Variants in DOCK11 observed in about 807,000 individuals in gnomAD.
DOCK11 encodes the protein dedicator of cytokinesis 11, also known as dedicator of cytokinesis protein 11.
Under a neutral mutation model 169.1 loss-of-function variants are expected in DOCK11, and 70 were observed. That is an observed-to-expected ratio of 0.41 (90% confidence interval 0.34 to 0.51). DOCK11 has a LOEUF of 0.51. DOCK11 is among the 20% of genes least tolerant of loss of function. The pLI is 0.10. For missense variants in DOCK11, 1,166 were observed against 1,538.8 expected, an observed-to-expected ratio of 0.76 and a Z score of 4.05; for synonymous variants, 529 against 541.3, an observed-to-expected ratio of 0.98 and a Z score of 0.32.
At chrX:118,671,841 C>T (rs191209865) in intron 46 of DOCK11, among the ~76,000 whole-genome samples, 137 of 111,869 alleles carry the variant, frequency 1.2e-3, no homozygotes, top group African/African-American at 3.8e-3. Flanking sequence ...CACCACGCCC[C>T]GCTATCTTTG....
rs1436232812 is a variant in DOCK11 at position 118,566,519 on chromosome X, G to A, written c.872-55G>A. 7 of 1,076,605 alleles carry A rather than the reference G, an allele frequency of 6.5e-6. No individual in the cohort carries two copies. In the East Asian group the frequency reaches 2.2e-4, roughly 33 times the overall value. The allele number at this position is 1,076,605 out of a possible 1,213,427, so 88.7% of individuals were successfully genotyped here. Reference sequence around the variant, plus strand: ...AGAGATAGTTAGGATACTCCTCTTAGGTTATTAGTAATGGTCTGTATGGTT... The same window carrying A: ...AGAGATAGTTAGGATACTCCTCTTAAGTTATTAGTAATGGTCTGTATGGTT... On this transcript the variant is annotated intron_variant, in intron 8 of 52. Coordinates refer to ENST00000276202, the MANE Select transcript of DOCK11 (RefSeq NM_144658.4).
chrX:118,683,247 C>T (rs2016784518), intron 52 of DOCK11, 30 bp downstream of exon 52: 1 of 1,182,796 alleles, frequency 8.5e-7, no homozygotes, highest in South Asian at 2.0e-5. Context: ...AAACTGAAAA[C>T]ATGATCTGCG....
chrX:118,676,754 A>T lies in DOCK11; in HGVS notation c.5460+17A>T. The T allele has an allele frequency of 8.5e-7, 1 of 1,176,073 alleles. No homozygotes were observed. The highest frequency in any genetic ancestry group is 3.0e-5 in the East Asian group (1 of 33,268). ...TCAGACAAGGTAACACATACCCTAC[A>T]TGTTGAAATCATTATTTGTTAGTTC... On this transcript the variant is annotated intron_variant, in intron 48 of 52. Coordinates refer to ENST00000276202, the MANE Select transcript of DOCK11 (RefSeq NM_144658.4).
intron 40 of DOCK11, among the ~76,000 whole-genome samples, chrX:118,648,503 T>G (rs1349429703): frequency 4.3e-5 from 4 of 94,018 alleles, no homozygotes; most frequent in Non-Finnish European, 8.3e-5. Flanking sequence ...ATTGATATGT[T>G]AATATATTAA....
At chrX:118,682,069 C>T (rs1229337909) in intron 51 of DOCK11, among the ~76,000 whole-genome samples, 1 of 111,180 alleles carries the variant, frequency 9.0e-6, no homozygotes. Context: ...AAACACAAGC[C>T]TATGTTCCTT....
At chrX:118,507,775 A>G (rs1366440288) in intron 1 of DOCK11, among the ~76,000 whole-genome samples, 1 of 112,051 alleles carries the variant, frequency 8.9e-6, no homozygotes, top group Non-Finnish European at 1.9e-5. Context: ...TCACATAGTC[A>G]TCACCCCTCT....
At chrX:118,665,041 C>G (rs2016307090) in intron 45 of DOCK11, among the ~76,000 whole-genome samples, 1 of 112,077 alleles carries the variant, frequency 8.9e-6, no homozygotes, top group Admixed American at 9.5e-5. Flanking sequence ...GCTTTACCTA[C>G]TATTTCTACA....
intron 40 of DOCK11, among the ~76,000 whole-genome samples, chrX:118,644,653 T>A (rs1297159413): frequency 9.0e-6 from 1 of 111,120 alleles, no homozygotes; most frequent in Non-Finnish European, 1.9e-5. Flanking sequence ...CCTCTGGGGG[T>A]GAGCAGGAGA....
At position 118,566,163 on chromosome X, in the gene DOCK11, G is replaced by A; in HGVS notation, c.852G>A (p.Glu284=). Residue 284 remains glutamate, a synonymous_variant, in exon 8 of 53, where the codon GAG becomes GAA. Coordinates refer to ENST00000276202, the MANE Select transcript of DOCK11 (RefSeq NM_144658.4). The stretch of plus-strand genomic sequence containing the variant: ...ACAGTTTAGTTCAAGAAAAAAAGGA[G>A]ACGGTAGAAACAGCACAAGGTCAGA... The part of the protein sequence containing the change: ...NTDSLVQEKK[E]TVETAQDDET... 1.7e-6 allele frequency: 2 copies of A among 1,204,411 alleles called. No individual in the cohort carries two copies. The highest frequency in any genetic ancestry group is 2.2e-6 in the Non-Finnish European group (2 of 892,488).
At position 118,606,013 on chromosome X, in the gene DOCK11, A is replaced by G. The variant is rs191681798; in HGVS notation, c.2681+657A>G. 5.8e-3 allele frequency among the ~76,000 whole-genome samples: 643 copies of G among 110,803 alleles called. 7 individuals carry two copies. Among genetic ancestry groups the G allele is most frequent in the African/African-American group, 0.02 (612 of 30,512 alleles). On this transcript the variant is annotated intron_variant, in intron 24 of 52. Coordinates refer to ENST00000276202, the MANE Select transcript of DOCK11 (RefSeq NM_144658.4). ...AAATGTTCTGCACTTGTGTTGTTCA[A>G]TATAGCAGCCACCAGCCACATGTGG...
Position 118,578,660 on chromosome X carries a change from GGTT to G in DOCK11, c.1512+18_1512+20del. The stretch of plus-strand genomic sequence containing the variant: ...TGATCCAGTAAAGGTAATTTATAAA[GGTT>G]GTTGATCAACATTTCACCTTAACGT... On this transcript the variant is annotated intron_variant, in intron 13 of 52. Coordinates refer to ENST00000276202, the MANE Select transcript of DOCK11 (RefSeq NM_144658.4). 5.1e-6 allele frequency: 6 copies of G among 1,184,974 alleles called. No individual in the cohort carries two copies. The highest frequency in any genetic ancestry group is 6.8e-6 in the Non-Finnish European group (6 of 880,928).
chrX:118,541,386 G>C (rs1460826660), intron 1 of DOCK11, among the ~76,000 whole-genome samples: 3 of 111,820 alleles, frequency 2.7e-5, no homozygotes, highest in Non-Finnish European at 5.6e-5. Context: ...GGGGGTTGAG[G>C]CTTATGGCAT....
rs138694923 is a variant in DOCK11 at position 118,573,016 on chromosome X, G to A, written c.1176+553G>A. On this transcript the variant is annotated intron_variant, in intron 11 of 52. Coordinates refer to ENST00000276202, the MANE Select transcript of DOCK11 (RefSeq NM_144658.4). The stretch of plus-strand genomic sequence containing the variant: ...TGCTAGGCTCGGTCACTATTCTATA[G>A]CATTAGATTCATTTTGGTCTACAGA... Among the ~76,000 whole-genome samples the A allele has an allele frequency of 4.5e-3, 506 of 112,521 alleles. 2 individuals carry two copies. The highest frequency in any genetic ancestry group is 0.015 in the African/African-American group (474 of 31,051).
intron 1 of DOCK11, 27 bp downstream of exon 1, chrX:118,496,100 CG>C (rs1471360485): frequency 5.2e-6 from 5 of 959,229 alleles, no homozygotes; most frequent in Admixed American, 9.9e-5. Flanking sequence ...CGGGGCATCC[CG>C]GGGGACGCGC....
intron 30 of DOCK11, among the ~76,000 whole-genome samples, chrX:118,616,550 GT>G (rs367867715): frequency 4.2e-4 from 44 of 105,291 alleles, no homozygotes; most frequent in Non-Finnish European, 7.3e-4. Flanking sequence ...TTTTGTTTTT[GT>G]TTTTTTTTTG....
intron 38 of DOCK11, among the ~76,000 whole-genome samples, chrX:118,640,551 T>G (rs1157529651): frequency 8.9e-6 from 1 of 112,312 alleles, no homozygotes; most frequent in Non-Finnish European, 1.9e-5. Flanking sequence ...ACTGTTTATC[T>G]GTAGCTGAAT....
chrX:118,652,950 A>T (rs1038075476), intron 42 of DOCK11, among the ~76,000 whole-genome samples: 2 of 112,387 alleles, frequency 1.8e-5, no homozygotes, highest in African/African-American at 6.5e-5. Context: ...TGTTGCTTGT[A>T]CTGAAAAATA....
intron 30 of DOCK11, among the ~76,000 whole-genome samples, chrX:118,616,591 C>G (rs2147471023): frequency 9.2e-6 from 1 of 108,437 alleles, no homozygotes; most frequent in East Asian, 2.9e-4. Flanking sequence ...GCTTGCCTCT[C>G]TCAGATGCTG....
intron 1 of DOCK11, among the ~76,000 whole-genome samples, chrX:118,523,697 C>T (rs1203748927): frequency 9.0e-6 from 1 of 111,645 alleles, no homozygotes; most frequent in Non-Finnish European, 1.9e-5. Context: ...AGTATAGTTC[C>T]GGGGCTATTC....
Sources: allele counts gnomAD v4.1 joint callset (sites outside exome capture counted in the v4.1 genomes callset), GRCh38; gene constraint gnomAD v4.1.1; transcripts MANE v1.5; gene names NCBI Gene and HGNC (gene_info 2026-07-23, HGNC 2026-07-21).